Variants in DISC1 observed in about 807,000 individuals in gnomAD.
The protein encoded by DISC1 is DISC1 scaffold protein.
DISC1 carries 57 observed loss-of-function variants against 84.5 expected under a neutral mutation model. That is an observed-to-expected ratio of 0.67 (90% CI 0.55 to 0.84). DISC1 has a LOEUF of 0.84. Ranked by LOEUF, DISC1 falls within the 40% of genes least tolerant of loss-of-function variation. DISC1 has a pLI of 0.00. For synonymous variants in DISC1, 411 were observed against 415.2 expected, an observed-to-expected ratio of 0.99 and a Z score of 0.12; for missense variants, 1,000 against 1,057.8, an observed-to-expected ratio of 0.95 and a Z score of 0.76.
At chr1:231,941,805 AAAAAC>A (rs1214675459) in intron 9 of DISC1, among the ~76,000 whole-genome samples, 1 of 152,190 alleles carries the variant, frequency 6.6e-6, no homozygotes, top group Non-Finnish European at 1.5e-5. Flanking sequence ...GACAAAAATA[AAAAAC>A]AAAAAATATA....
intron 6 of DISC1, among the ~76,000 whole-genome samples, chr1:231,778,236 G>A (rs1289466869): frequency 1.3e-5 from 2 of 152,202 alleles, no homozygotes; most frequent in Admixed American, 1.3e-4. Context: ...AATGTGAGAG[G>A]AAGAGAAACT....
chr1:231,959,022 C>T, intron 10 of DISC1, 134 bp downstream of exon 10: 1 of 1,441,802 alleles, frequency 6.9e-7, no homozygotes, highest in Non-Finnish European at 9.0e-7. Flanking sequence ...ACAAAAAAGC[C>T]TTTTGAACCC....
chr1:231,968,057 A>G (rs1661354689), intron 10 of DISC1, among the ~76,000 whole-genome samples: 1 of 152,212 alleles, frequency 6.6e-6, no homozygotes. Flanking sequence ...TAAAATGTAA[A>G]TGATATAATT....
intron 9 of DISC1, among the ~76,000 whole-genome samples, chr1:231,952,003 A>G (rs1429499511): frequency 6.8e-6 from 1 of 147,556 alleles, no homozygotes; most frequent in African/African-American, 2.5e-5. Context: ...AGATCACTTG[A>G]GCCCAGGAGT....
intron 9 of DISC1, among the ~76,000 whole-genome samples, chr1:231,882,741 T>C (rs1027864719): frequency 4.6e-5 from 7 of 152,138 alleles, no homozygotes; most frequent in African/African-American, 9.7e-5. Flanking sequence ...GGTGTGCATT[T>C]GGACCTGCCC....
At chr1:231,838,357 C>T (rs2082776122) in intron 9 of DISC1, among the ~76,000 whole-genome samples, 1 of 152,122 alleles carries the variant, frequency 6.6e-6, no homozygotes, top group African/African-American at 2.4e-5. Flanking sequence ...CCATGTTCCT[C>T]AAGGAACTTT....
chr1:231,640,095 A>G (rs191649891), intron 1 of DISC1, among the ~76,000 whole-genome samples: 2 of 152,332 alleles, frequency 1.3e-5, no homozygotes, highest in African/African-American at 4.8e-5. Flanking sequence ...CAGATGAATT[A>G]GAGAAGGCTT....
chr1:231,658,424 A>G (rs1479022008), intron 1 of DISC1, among the ~76,000 whole-genome samples: 3 of 152,212 alleles, frequency 2.0e-5, no homozygotes, highest in Admixed American at 1.3e-4. Context: ...TCATCTGCAA[A>G]CAAAGATAAT....
chr1:231,856,053 A>G (rs1289900529), intron 9 of DISC1, among the ~76,000 whole-genome samples: 1 of 152,236 alleles, frequency 6.6e-6, no homozygotes, highest in African/African-American at 2.4e-5. Flanking sequence ...CGAAGGCTTC[A>G]GCAAACATAA....
At chr1:231,988,278 A>T (rs1167417043) in intron 10 of DISC1, among the ~76,000 whole-genome samples, 1 of 152,234 alleles carries the variant, frequency 6.6e-6, no homozygotes, top group Non-Finnish European at 1.5e-5. Flanking sequence ...TTAAAAATGC[A>T]GAATCTCAGG....
chr1:231,928,927 T>G (rs533935277), intron 9 of DISC1, among the ~76,000 whole-genome samples: 10 of 152,232 alleles, frequency 6.6e-5, no homozygotes, highest in Non-Finnish European at 1.3e-4. Flanking sequence ...AGAGACAGTT[T>G]GTTATGATTT....
chr1:231,824,186 C>T (rs1436631113), intron 9 of DISC1, among the ~76,000 whole-genome samples: 1 of 152,094 alleles, frequency 6.6e-6, no homozygotes, highest in Non-Finnish European at 1.5e-5. Flanking sequence ...TGATAGTGCT[C>T]TTGATAACAG....
chr1:231,909,781 A>G (rs2089029827), intron 9 of DISC1, among the ~76,000 whole-genome samples: 1 of 152,196 alleles, frequency 6.6e-6, no homozygotes, highest in African/African-American at 2.4e-5. Flanking sequence ...GTCTCGTAGA[A>G]TTTGGCTGTG....
At chr1:231,863,754 C>T (rs914838145) in intron 9 of DISC1, among the ~76,000 whole-genome samples, 1 of 152,232 alleles carries the variant, frequency 6.6e-6, no homozygotes, top group South Asian at 2.1e-4. Flanking sequence ...GGCAATGAGT[C>T]CCTGGTTTCT....
chr1:231,726,578 C>T (rs963515290), intron 3 of DISC1, among the ~76,000 whole-genome samples: 75 of 152,278 alleles, frequency 4.9e-4, no homozygotes, highest in African/African-American at 1.8e-3. Flanking sequence ...CTCATGGATA[C>T]CTAAGGGCAG....
At position 231,764,379 on chromosome 1, in the gene DISC1, A is replaced by G. The variant is rs190091145; in HGVS notation, c.1269-2761A>G. ...GTTGTAAAAATGATACATGCTCACT[A>G]TGGAAACTTTAGAAAGATCAATGGA... On this transcript the variant is annotated intron_variant, in intron 4 of 12. Coordinates refer to ENST00000439617, the MANE Select transcript of DISC1 (RefSeq NM_018662.3). 1.8e-3 allele frequency among the ~76,000 whole-genome samples: 280 copies of G among 152,342 alleles called. 3 individuals carry two copies. Among genetic ancestry groups the G allele is most frequent in the Non-Finnish European group, 1.4e-3 (92 of 68,014 alleles).
intron 8 of DISC1, among the ~76,000 whole-genome samples, chr1:231,807,312 G>T (rs1323693798): frequency 6.6e-6 from 1 of 152,240 alleles, no homozygotes; most frequent in Non-Finnish European, 1.5e-5. Flanking sequence ...AGTAGTCAAG[G>T]CTGGCTCTCT....
chr1:231,796,955 G>A (rs2078812607), intron 7 of DISC1, among the ~76,000 whole-genome samples: 1 of 152,060 alleles, frequency 6.6e-6, no homozygotes, highest in Non-Finnish European at 1.5e-5. Flanking sequence ...GAGCTCAAGC[G>A]ATCCTCCTGC....
intron 9 of DISC1, among the ~76,000 whole-genome samples, chr1:231,868,733 T>TATATATATATATATATATAG: frequency 8.1e-6 from 1 of 124,100 alleles, no homozygotes; most frequent in Non-Finnish European, 1.7e-5. Context: ...TATATATATA[T>TATATATATATATATATATAG]ATTTAGCTGG....
Sources: gnomAD v4.1 joint callset for allele counts (sites outside exome capture counted in the v4.1 genomes callset) on GRCh38, gnomAD v4.1.1 for gene constraint, MANE v1.5 for transcripts, NCBI Gene and HGNC (gene_info 2026-07-23, HGNC 2026-07-21) for gene names.